BBS7: variants seen among roughly 807,000 people sequenced by gnomAD.
BBS7 encodes the protein Bardet-Biedl syndrome 7.
In BBS7, 50 loss-of-function variants were observed where a neutral mutation model predicts 90.3. That is an observed-to-expected ratio of 0.55 (90% CI 0.44 to 0.70). The LOEUF (loss-of-function observed/expected upper bound fraction) is 0.70. Ranked by LOEUF, BBS7 falls within the 30% of genes least tolerant of loss-of-function variation. BBS7 has a pLI of 0.00. For synonymous variants in BBS7, 235 were observed against 287.4 expected, an observed-to-expected ratio of 0.82 and a Z score of 1.85; for missense variants, 729 against 838.9, an observed-to-expected ratio of 0.87 and a Z score of 1.62.
chr4:121,846,870 C>T (rs897629849), intron 10 of BBS7, among the ~76,000 whole-genome samples: 3 of 152,170 alleles, frequency 2.0e-5, no homozygotes, highest in East Asian at 1.9e-4. Context: ...CCCACGTCTT[C>T]GTTGTATGAA....
At chr4:121,850,147 A>C (rs1304318213) in intron 8 of BBS7, among the ~76,000 whole-genome samples, 1 of 151,414 alleles carries the variant, frequency 6.6e-6, no homozygotes, top group Non-Finnish European at 1.5e-5. Context: ...AAATAATTGT[A>C]GGGAGCTGGT....
chr4:121,842,910 G>A (rs1725816695), intron 12 of BBS7, among the ~76,000 whole-genome samples: 2 of 152,166 alleles, frequency 1.3e-5, no homozygotes, highest in Admixed American at 1.3e-4. Context: ...AAGCACTGAC[G>A]TGATCATCTC....
At chr4:121,848,409 T>A (rs1298208168) in intron 9 of BBS7, among the ~76,000 whole-genome samples, 2 of 152,224 alleles carry the variant, frequency 1.3e-5, no homozygotes, top group African/African-American at 4.8e-5. Context: ...CTGTATATGA[T>A]ACCTGCTACC....
intron 13 of BBS7, among the ~76,000 whole-genome samples, chr4:121,835,699 C>G (rs1017335101): frequency 6.6e-6 from 1 of 151,974 alleles, no homozygotes; most frequent in Non-Finnish European, 1.5e-5. Context: ...ATCTGATAAA[C>G]TTATATTTTG....
chr4:121,848,363 T>G (rs1726127928), intron 9 of BBS7, among the ~76,000 whole-genome samples: 1 of 152,194 alleles, frequency 6.6e-6, no homozygotes, highest in African/African-American at 2.4e-5. Context: ...ATTCTGCCCA[T>G]GATGTGAATC....
intron 11 of BBS7, among the ~76,000 whole-genome samples, 182 bp from the exon 12 acceptor site, chr4:121,844,183 T>C (rs1725886277): frequency 6.6e-6 from 1 of 152,190 alleles, no homozygotes; most frequent in African/African-American, 2.4e-5. Context: ...TAATAAAGAA[T>C]AAATGTTATT....
At chr4:121,830,001 C>T (rs971962823) in intron 15 of BBS7, among the ~76,000 whole-genome samples, 1 of 152,182 alleles carries the variant, frequency 6.6e-6, no homozygotes. Flanking sequence ...TTTACGATGA[C>T]CAAGTTTCCT....
At chr4:121,868,714 A>AAAG (rs1727421505) in intron 1 of BBS7, among the ~76,000 whole-genome samples, 1 of 136,822 alleles carries the variant, frequency 7.3e-6, no homozygotes, top group African/African-American at 2.6e-5. Context: ...AAAAAAAAAA[A>AAAG]AAGAAGATTT....
rs757752432 is a variant in BBS7 at position 121,845,628 on chromosome 4, G to A, written c.1106C>T (p.Ser369Leu). 5.6e-6 allele frequency: 9 copies of A among 1,613,040 alleles called. No homozygotes were observed. Among genetic ancestry groups the A allele is most frequent in the Non-Finnish European group, 6.8e-6 (8 of 1,179,328 alleles). Residue 369 changes from serine (S) to leucine (L), a missense_variant, in exon 11 of 19, where the codon TCA (serine) becomes TTA (leucine). By Grantham distance (145) the Ser-to-Leu change is moderately radical. Transcript: ENST00000264499. ...ERENYQQSSQ[S>L]SKAKSAVPSF... ...AGGTACTGCTGATTTTGCTTTGCTTGATTGAGAAGACTGTTGATAATTCTC... is the reference window on the plus strand; with the variant it reads ...AGGTACTGCTGATTTTGCTTTGCTTAATTGAGAAGACTGTTGATAATTCTC...
intron 13 of BBS7, 71 bp downstream of exon 13, chr4:121,839,560 T>A: frequency 8.3e-7 from 1 of 1,202,172 alleles, no homozygotes; most frequent in Non-Finnish European, 1.2e-6. Context: ...TAATATCATA[T>A]GTTGTAAGAC....
At chr4:121,838,425 G>A (rs73844299) in intron 13 of BBS7, among the ~76,000 whole-genome samples, 6,838 of 147,584 alleles carry the variant, frequency 0.046, 510 homozygotes, top group African/African-American at 0.16. Context: ...AAAAGTTATA[G>A]TGCTTAATTT....
chr4:121,858,369 A>AGTGTGT (rs56144001), intron 5 of BBS7, among the ~76,000 whole-genome samples: 1 of 150,382 alleles, frequency 6.6e-6, no homozygotes, highest in African/African-American at 2.5e-5. Context: ...CATCCTATAG[A>AGTGTGT]GTGTGTGTGT....
At chr4:121,855,445 A>G (rs376213790) in intron 6 of BBS7, 44 bp downstream of exon 6, 141 of 1,549,542 alleles carry the variant, frequency 9.1e-5, no homozygotes, top group Non-Finnish European at 1.1e-4. Context: ...TTCACTTACT[A>G]TTAAAACACA....
intron 12 of BBS7, among the ~76,000 whole-genome samples, chr4:121,842,706 A>G (rs541074651): frequency 6.6e-6 from 1 of 152,274 alleles, no homozygotes; most frequent in South Asian, 2.1e-4. Context: ...GCATATAAAT[A>G]AAATAAAATA....
At chr4:121,829,673 T>G (rs1028410679) in intron 15 of BBS7, among the ~76,000 whole-genome samples, 1 of 152,176 alleles carries the variant, frequency 6.6e-6, no homozygotes, top group Non-Finnish European at 1.5e-5. Context: ...AGCAGTACAT[T>G]CCATACCCCT....
intron 2 of BBS7, among the ~76,000 whole-genome samples, chr4:121,866,619 G>A (rs1332337251): frequency 6.6e-6 from 1 of 152,040 alleles, no homozygotes; most frequent in Non-Finnish European, 1.5e-5. Context: ...TGAGAGGTGG[G>A]GGTCTTGGTT....
At position 121,827,664 on chromosome 4, in the gene BBS7, A is replaced by C. The variant is rs184119762; in HGVS notation, c.2014+482T>G. The C allele has an allele frequency of 1.3e-5, 7 of 549,474 alleles. No individual in the cohort carries two copies. The East Asian group carries it at 1.0e-3, about 79-fold the overall frequency. 34.0% of individuals were successfully genotyped at this position (549,474 alleles called of 1,614,324 possible). On this transcript the variant is annotated intron_variant, in intron 18 of 18. Coordinates refer to ENST00000264499, the MANE Select transcript of BBS7 (RefSeq NM_176824.3). ...CACCTCCCTTACTCTGTTTCAATAC[A>C]ATTTGTGAAACATTCAGCTTCTCAC...
chr4:121,829,945 C>T (rs188446296), intron 15 of BBS7, among the ~76,000 whole-genome samples: 4 of 152,278 alleles, frequency 2.6e-5, no homozygotes, highest in Admixed American at 2.0e-4. Context: ...TTATGTGAGC[C>T]GATAAATTTA....
chr4:121,848,943 G>A lies in BBS7; in HGVS notation c.850-15C>T. Reference sequence around the variant, plus strand: ...TCAGACAACATCTAAAAAAGTTTAAGACCAAGCACTTCATTAGTAACTAAA... The same window carrying A: ...TCAGACAACATCTAAAAAAGTTTAAAACCAAGCACTTCATTAGTAACTAAA... On this transcript the variant is annotated splice_polypyrimidine_tract_variant and intron_variant, in intron 8 of 18. Coordinates refer to ENST00000264499, the MANE Select transcript of BBS7 (RefSeq NM_176824.3). 1 of 1,605,924 alleles carries A rather than the reference G, an allele frequency of 6.2e-7. No homozygotes were observed. The highest frequency in any genetic ancestry group is 8.5e-7 in the Non-Finnish European group (1 of 1,173,194).
Sources: gnomAD v4.1 joint callset for allele counts (sites outside exome capture counted in the v4.1 genomes callset) on GRCh38, gnomAD v4.1.1 for gene constraint, MANE v1.5 for transcripts, NCBI Gene and HGNC (gene_info 2026-07-23, HGNC 2026-07-21) for gene names.